Variants in GPC5 observed in about 807,000 individuals in gnomAD.
The protein encoded by GPC5 is glypican 5.
GPC5 carries 47 observed loss-of-function variants against 53.9 expected under a neutral mutation model. The ratio of observed to expected loss-of-function variants is 0.87; its 90% CI spans 0.69 to 1.11. GPC5 has a LOEUF of 1.11. Ranked by LOEUF, GPC5 falls within the 50% of genes most tolerant of loss-of-function variation. GPC5 has a pLI of 0.00. For missense variants in GPC5, 748 were observed against 713.1 expected (o/e 1.05, Z -0.56); for synonymous variants, 286 against 263.3 (o/e 1.09, Z -0.84).
At chr13:92,177,008 G>A (rs949256121) in intron 7 of GPC5, among the ~76,000 whole-genome samples, 1 of 152,084 alleles carries the variant, frequency 6.6e-6, no homozygotes, top group Non-Finnish European at 1.5e-5. Flanking sequence ...TTCCGTCATT[G>A]TTTTGACTGA....
chr13:91,422,455 G>C (rs1267507340), intron 1 of GPC5, among the ~76,000 whole-genome samples: 1 of 152,026 alleles, frequency 6.6e-6, no homozygotes, highest in African/African-American at 2.4e-5. Flanking sequence ...GGCCAACATG[G>C]TGAAACCTCG....
At chr13:92,837,736 A>G (rs1878266360) in intron 7 of GPC5, among the ~76,000 whole-genome samples, 1 of 152,170 alleles carries the variant, frequency 6.6e-6, no homozygotes, top group South Asian at 2.1e-4. Context: ...ATGGTCCGCC[A>G]AACTATTAAC....
chr13:92,716,106 G>C (rs1888319955), intron 7 of GPC5, among the ~76,000 whole-genome samples: 1 of 152,106 alleles, frequency 6.6e-6, no homozygotes, highest in African/African-American at 2.4e-5. Context: ...TGAGATCAGT[G>C]AACGTGGCAA....
chr13:92,017,352 C>T (rs1470497334), intron 6 of GPC5, among the ~76,000 whole-genome samples: 2 of 151,952 alleles, frequency 1.3e-5, no homozygotes, highest in East Asian at 3.9e-4. Flanking sequence ...TTTTTTCTGC[C>T]TGTACTCATT....
chr13:92,003,325 CAAAA>C (rs57075719), intron 6 of GPC5, among the ~76,000 whole-genome samples: 2 of 100,190 alleles, frequency 2.0e-5, no homozygotes, highest in Non-Finnish European at 2.1e-5. Context: ...TGTCTTAACA[CAAAA>C]AAAAAAAAAA....
At chr13:92,201,140 G>C (rs1268662327) in intron 7 of GPC5, among the ~76,000 whole-genome samples, 1 of 152,080 alleles carries the variant, frequency 6.6e-6, no homozygotes, top group African/African-American at 2.4e-5. Flanking sequence ...ATATTGTTTA[G>C]GTTATTCATG....
Position 92,122,677 on chromosome 13 carries a change from A to C in GPC5, c.1402-22153A>C, listed in dbSNP as rs6492585. Among the ~76,000 whole-genome samples, 486 of 150,472 alleles carry C rather than the reference A, an allele frequency of 3.2e-3. 2 individuals are homozygous for C. The highest frequency in any genetic ancestry group is 0.011 in the African/African-American group (461 of 40,896). ...TACGCAATGGATAAAATTGTGTAATAATGGTTATGGTTTCATACCTTTAAT... is the reference window on the plus strand; with the variant it reads ...TACGCAATGGATAAAATTGTGTAATCATGGTTATGGTTTCATACCTTTAAT... On this transcript the variant is annotated intron_variant, in intron 6 of 7. Transcript: ENST00000377067.
chr13:91,891,174 G>A (rs918517315), intron 5 of GPC5, among the ~76,000 whole-genome samples: 1 of 152,126 alleles, frequency 6.6e-6, no homozygotes, highest in Non-Finnish European at 1.5e-5. Context: ...TACTTACAGA[G>A]CTACAATCTA....
At chr13:92,279,186 T>G (rs2042896291) in intron 7 of GPC5, among the ~76,000 whole-genome samples, 1 of 152,086 alleles carries the variant, frequency 6.6e-6, no homozygotes, top group Admixed American at 6.5e-5. Flanking sequence ...TTGGGCCTTC[T>G]TTAATTTCTT....
At chr13:92,733,266 GT>G (rs1328464057) in intron 7 of GPC5, among the ~76,000 whole-genome samples, 30 of 151,680 alleles carry the variant, frequency 2.0e-4, no homozygotes, top group African/African-American at 6.8e-4. Context: ...TGTTGTGCTT[GT>G]CTTTAGAACC....
intron 7 of GPC5, among the ~76,000 whole-genome samples, chr13:92,613,076 A>T (rs900798802): frequency 6.6e-6 from 1 of 150,938 alleles, no homozygotes; most frequent in African/African-American, 2.4e-5. Context: ...CTTTACCTAA[A>T]TGATCGAGAC....
At chr13:92,158,608 T>G (rs2041962843) in intron 7 of GPC5, among the ~76,000 whole-genome samples, 1 of 152,244 alleles carries the variant, frequency 6.6e-6, no homozygotes, top group South Asian at 2.1e-4. Flanking sequence ...CCGCATTTAA[T>G]AAGACCCATT....
chr13:92,505,251 T>A (rs1197527018), intron 7 of GPC5, among the ~76,000 whole-genome samples: 2 of 151,900 alleles, frequency 1.3e-5, no homozygotes, highest in Non-Finnish European at 2.9e-5. Flanking sequence ...ATTCAGAATA[T>A]ATAAAGAAAT....
In GPC5 at chr13:91,960,166, T is replaced by TA. The variant is rs35307972; in HGVS notation, c.1401+52121dup. On this transcript the variant is annotated intron_variant, in intron 6 of 7. Coordinates refer to ENST00000377067, the MANE Select transcript of GPC5 (RefSeq NM_004466.6). ...CTTTACTGATAATATGATCTTATTC[T>TA]AAAAAAAAAAAACTAAAAACTTCAC... 1.5e-3 allele frequency among the ~76,000 whole-genome samples: 215 copies of TA among 147,024 alleles called. 1 individual carries two copies. Among genetic ancestry groups the TA allele is most frequent in the East Asian group, 3.2e-3 (16 of 5,062 alleles).
chr13:91,732,009 T>C (rs889131652), intron 4 of GPC5, among the ~76,000 whole-genome samples: 1 of 152,244 alleles, frequency 6.6e-6, no homozygotes, highest in African/African-American at 2.4e-5. Context: ...TGCATGTGTC[T>C]TTAAAGTAGA....
chr13:92,533,652 G>A (rs1329179346), intron 7 of GPC5, among the ~76,000 whole-genome samples: 2 of 152,110 alleles, frequency 1.3e-5, no homozygotes, highest in Non-Finnish European at 2.9e-5. Flanking sequence ...TAAATAGAGG[G>A]TAAGTGTATG....
chr13:92,220,261 TA>T (rs138542457), intron 7 of GPC5, among the ~76,000 whole-genome samples: 20 of 151,720 alleles, frequency 1.3e-4, no homozygotes, highest in Admixed American at 6.6e-4. Context: ...AGAGAAAAGA[TA>T]AAAAAAAATC....
At chr13:92,780,752 G>A (rs527622471) in intron 7 of GPC5, among the ~76,000 whole-genome samples, 3 of 152,008 alleles carry the variant, frequency 2.0e-5, no homozygotes, top group Non-Finnish European at 2.9e-5. Flanking sequence ...ATGATAGTAG[G>A]CATAAAATGC....
Position 91,398,720 on chromosome 13 carries a change from A to G in GPC5, c.-327A>G, listed in dbSNP as rs1401317923. On this transcript the variant is annotated 5_prime_UTR_variant, in exon 1 of 8. Transcript: ENST00000377067. ...CAGTGGCGGCAGCGGCAGCAGTTGC[A>G]GCAGTGGTGGCCAGAGCGGATGCTT... is the stretch of plus-strand genomic sequence containing the variant. The G allele has an allele frequency of 7.2e-6, 2 of 279,036 alleles. No individual in the cohort carries two copies. Among genetic ancestry groups the G allele is most frequent in the Non-Finnish European group, 6.6e-6 (1 of 150,818 alleles). 17.3% of individuals were successfully genotyped at this position (279,036 alleles called of 1,614,324 possible). A position where few individuals can be genotyped will look rare whatever the true frequency, so the allele number is the denominator to read the frequency against.
Sources: allele counts gnomAD v4.1 joint callset (sites outside exome capture counted in the v4.1 genomes callset), GRCh38; gene constraint gnomAD v4.1.1; transcripts MANE v1.5; gene names NCBI Gene and HGNC (gene_info 2026-07-23, HGNC 2026-07-21).